Variants in ADAM12 observed in about 807,000 individuals in gnomAD.
The protein encoded by ADAM12 is ADAM metallopeptidase domain 12.
A neutral mutation model predicts 106.4 loss-of-function variants in ADAM12; 70 were observed. That is an observed-to-expected ratio of 0.66 (90% CI 0.54 to 0.80). The LOEUF is 0.80. Among genes scored for constraint, ADAM12 ranks in the 30% least tolerant of loss-of-function variants. ADAM12 has a pLI of 0.00. For synonymous variants in ADAM12, 420 were observed against 433.5 expected (o/e 0.97, Z 0.39); for missense variants, 1,010 against 1,171.9 (o/e 0.86, Z 2.02).
chr10:126,326,555 T>C (rs1378978101), intron 2 of ADAM12, among the ~76,000 whole-genome samples: 1 of 151,986 alleles, frequency 6.6e-6, no homozygotes, highest in African/African-American at 2.4e-5. Flanking sequence ...GTGGTCAGAG[T>C]GTGGACGCCT....
At chr10:126,087,089 G>A (rs1674892) in intron 11 of ADAM12, among the ~76,000 whole-genome samples, 106,013 of 151,372 alleles carry the variant, frequency 0.7, 37,612 homozygotes, top group East Asian at 0.82. Context: ...CATGAATGCA[G>A]TCCTTCAGGG....
intron 5 of ADAM12, 73 bp downstream of exon 5, chr10:126,135,511 C>T (rs544923247): frequency 2.2e-5 from 32 of 1,437,924 alleles, no homozygotes; most frequent in Admixed American, 1.2e-4. Context: ...TGCTTTAGCA[C>T]GAGCAGGAAA....
intron 2 of ADAM12, among the ~76,000 whole-genome samples, chr10:126,329,035 C>G (rs1854410325): frequency 6.6e-6 from 1 of 152,016 alleles, no homozygotes; most frequent in African/African-American, 2.4e-5. Context: ...TAGCCCTCAG[C>G]AGCTTGTCCC....
At position 126,388,357 on chromosome 10, in the gene ADAM12, TGCGCGCGCGC is replaced by T. The variant is rs142488050; in HGVS notation, c.-222_-213del. ...GTTTCCCCCCGTGTGTGTGCGTGCG[TGCGCGCGCGC>T]GCGCCGTTCTGGCACAAGCCAGCCT... On this transcript the variant is annotated 5_prime_UTR_variant, in exon 1 of 23. Transcript: ENST00000448723. The surrounding 1 kb of genome is among the most constrained non-coding windows in gnomAD (Gnocchi z 4.4). 1.6e-6 allele frequency: 1 copy of T among 643,934 alleles called. No homozygotes were observed. The highest frequency in any genetic ancestry group is 2.1e-6 in the Non-Finnish European group (1 of 471,188). 39.9% of individuals were successfully genotyped at this position (643,934 alleles called of 1,614,324 possible).
chr10:126,066,926 A>C lies in ADAM12; in HGVS notation c.1324-120T>G. ...AAAGACCAAGAGGGCCCAGCTCCTG[A>C]ACTGCACACCTGCCTGTTTCCGTCT... On this transcript the variant is annotated intron_variant, in intron 12 of 22. Coordinates refer to ENST00000448723, the MANE Select transcript of ADAM12 (RefSeq NM_001288973.2). The surrounding 1 kb of genome is among the most constrained non-coding windows in gnomAD (Gnocchi z 5.1). 1.1e-6 allele frequency: 1 copy of C among 895,116 alleles called. No individual in the cohort carries two copies. Among genetic ancestry groups the C allele is most frequent in the Admixed American group, 2.1e-5 (1 of 48,104 alleles). 55.4% of individuals were successfully genotyped at this position (895,116 alleles called of 1,614,324 possible). A position where few individuals can be genotyped will look rare whatever the true frequency, so the allele number is the denominator to read the frequency against.
chr10:126,269,445 A>C (rs1959164118), intron 3 of ADAM12, among the ~76,000 whole-genome samples: 1 of 152,292 alleles, frequency 6.6e-6, no homozygotes, highest in Non-Finnish European at 1.5e-5. Context: ...ATAAGCAATC[A>C]ATGAAAGCAT....
chr10:126,316,502 A>G (rs1246221120), intron 2 of ADAM12, among the ~76,000 whole-genome samples: 1 of 152,094 alleles, frequency 6.6e-6, no homozygotes, highest in Non-Finnish European at 1.5e-5. Context: ...GGCTCAATTT[A>G]CATGGCTATA....
chr10:126,375,542 T>TA (rs1482370522), intron 1 of ADAM12, among the ~76,000 whole-genome samples: 1 of 152,086 alleles, frequency 6.6e-6, no homozygotes, highest in Non-Finnish European at 1.5e-5. Flanking sequence ...ATGCAAATGT[T>TA]AAAAATTTAA....
intron 12 of ADAM12, among the ~76,000 whole-genome samples, chr10:126,068,273 T>C (rs1954914344): frequency 6.6e-6 from 1 of 152,236 alleles, no homozygotes; most frequent in African/African-American, 2.4e-5. Context: ...CTGGTCCTTA[T>C]GGTCTAAATG....
chr10:126,285,557 G>A (rs1959815354), intron 2 of ADAM12, among the ~76,000 whole-genome samples: 1 of 152,158 alleles, frequency 6.6e-6, no homozygotes, highest in South Asian at 2.1e-4. Context: ...TTCACTCTCA[G>A]TTCCATCTAG....
intron 3 of ADAM12, among the ~76,000 whole-genome samples, chr10:126,266,337 A>AT (rs1347244313): frequency 3.3e-5 from 5 of 152,134 alleles, no homozygotes; most frequent in African/African-American, 9.7e-5. Flanking sequence ...GGGTACTGGG[A>AT]TTGACCTGGT....
At chr10:126,186,397 G>A (rs1271157550) in intron 3 of ADAM12, among the ~76,000 whole-genome samples, 1 of 152,166 alleles carries the variant, frequency 6.6e-6, no homozygotes, top group African/African-American at 2.4e-5. Flanking sequence ...TGCCTGGCTG[G>A]GCAGTAATCT....
intron 1 of ADAM12, among the ~76,000 whole-genome samples, chr10:126,350,647 T>C (rs746877142): frequency 6.6e-5 from 10 of 152,266 alleles, no homozygotes; most frequent in Non-Finnish European, 1.0e-4. Flanking sequence ...TTGTGTCGGA[T>C]GTCTCCCAGT....
At chr10:126,229,828 G>A (rs947376647) in intron 3 of ADAM12, among the ~76,000 whole-genome samples, 18 of 152,202 alleles carry the variant, frequency 1.2e-4, no homozygotes, top group Admixed American at 3.3e-4. Flanking sequence ...ATGCTCGAAG[G>A]CATGATTGTT....
intron 3 of ADAM12, among the ~76,000 whole-genome samples, chr10:126,204,912 C>A (rs2133826076): frequency 6.6e-6 from 1 of 152,282 alleles, no homozygotes; most frequent in East Asian, 1.9e-4. Flanking sequence ...TGGAACCCAC[C>A]CACAGTCACA....
intron 3 of ADAM12, among the ~76,000 whole-genome samples, chr10:126,231,286 C>T (rs1387825306): frequency 6.6e-6 from 1 of 151,856 alleles, no homozygotes. Context: ...TGTGTTGGAA[C>T]ATTTGGCTTT....
At chr10:126,198,472 C>G (rs73380597) in intron 3 of ADAM12, among the ~76,000 whole-genome samples, 13,494 of 152,264 alleles carry the variant, frequency 0.089, 1,334 homozygotes, top group East Asian at 0.32. Flanking sequence ...TTCACCGGCT[C>G]TTGCAGTGAA....
chr10:126,230,518 C>T (rs546870852), intron 3 of ADAM12, among the ~76,000 whole-genome samples: 9 of 152,308 alleles, frequency 5.9e-5, no homozygotes, highest in African/African-American at 1.9e-4. Context: ...CTCTTCCAAA[C>T]TGTGTAAGAA....
intron 1 of ADAM12, among the ~76,000 whole-genome samples, chr10:126,383,019 C>A (rs1459328046): frequency 6.6e-6 from 1 of 152,076 alleles, no homozygotes; most frequent in Non-Finnish European, 1.5e-5. Flanking sequence ...ATCATGGTTC[C>A]CTGCAGCCTT....
Sources: allele counts gnomAD v4.1 joint callset (sites outside exome capture counted in the v4.1 genomes callset), GRCh38; gene constraint gnomAD v4.1.1; non-coding constraint Gnocchi (gnomAD v3.1); transcripts MANE v1.5; gene names NCBI Gene and HGNC (gene_info 2026-07-23, HGNC 2026-07-21).